NPAS2: variants seen among roughly 807,000 people sequenced by gnomAD.
NPAS2 encodes the protein neuronal PAS domain-containing protein 2.
In NPAS2, 23 loss-of-function variants were observed where a neutral mutation model predicts 107.5. The ratio of observed to expected loss-of-function variants is 0.21; its 90% CI spans 0.15 to 0.30. The LOEUF (loss-of-function observed/expected upper bound fraction) is 0.30, where lower values mean the gene tolerates loss of function less well. Ranked by LOEUF, NPAS2 falls within the 10% of genes least tolerant of loss-of-function variation. The pLI is 1.00. For missense variants in NPAS2, 756 were observed against 1,043.3 expected (o/e 0.72, Z 3.79); for synonymous variants, 403 against 417.5 (o/e 0.97, Z 0.42).
intron 7 of NPAS2, among the ~76,000 whole-genome samples, chr2:100,961,096 A>G (rs1046822276): frequency 2.6e-5 from 4 of 152,184 alleles, no homozygotes; most frequent in Non-Finnish European, 4.4e-5. Flanking sequence ...TAATCCTGAG[A>G]GTCTCAGGAA....
intron 11 of NPAS2, 128 bp from the exon 12 acceptor site, chr2:100,970,862 C>G: frequency 1.4e-6 from 1 of 698,660 alleles, no homozygotes; most frequent in Non-Finnish European, 2.4e-6. Context: ...CTAGGCTCCT[C>G]TGTGTTGACT....
At chr2:100,975,848 A>C in intron 14 of NPAS2, 1 of 342,224 alleles carries the variant, frequency 2.9e-6, no homozygotes, top group Non-Finnish European at 5.3e-6. Flanking sequence ...ATACCCTCAT[A>C]CCCCCAGAGC....
At chr2:100,931,481 CTCT>C (rs1223789619) in intron 3 of NPAS2, among the ~76,000 whole-genome samples, 5 of 131,986 alleles carry the variant, frequency 3.8e-5, no homozygotes, top group African/African-American at 1.4e-4. Context: ...CATAACTCAG[CTCT>C]TTTTTTTTTT....
chr2:100,995,184 G>A, intron 20 of NPAS2: 1 of 477,900 alleles, frequency 2.1e-6, no homozygotes, highest in South Asian at 5.3e-5. Context: ...ACTATTGGCG[G>A]AGAACTTAGC....
Position 100,845,332 on chromosome 2 carries a change from T to C in NPAS2, c.-23+24918T>C, listed in dbSNP as rs1034578555. On this transcript the variant is annotated intron_variant, in intron 1 of 20. Transcript: ENST00000335681. ...TCTGACGTGGAGCAGGCTGGCTCCA[T>C]GCTGATTATTGTAGATGAGGGGCTG... is the stretch of plus-strand genomic sequence containing the variant. 2.0e-4 allele frequency among the ~76,000 whole-genome samples: 31 copies of C among 152,204 alleles called. 1 individual carries two copies. The highest frequency in any genetic ancestry group is 2.0e-3 in the Admixed American group (30 of 15,274).
At chr2:100,910,736 C>T (rs551152257) in intron 2 of NPAS2, among the ~76,000 whole-genome samples, 1 of 152,094 alleles carries the variant, frequency 6.6e-6, no homozygotes, top group Non-Finnish European at 1.5e-5. Context: ...CCATGTTGGC[C>T]AGGCTGGTCT....
intron 2 of NPAS2, among the ~76,000 whole-genome samples, chr2:100,912,655 T>C (rs1682631806): frequency 6.6e-6 from 1 of 152,220 alleles, no homozygotes; most frequent in Non-Finnish European, 1.5e-5. Context: ...TCAACCAGCA[T>C]GTCCACTGGA....
rs148757121 is a variant in NPAS2 at position 100,958,989 on chromosome 2, C to T, written c.599-5069C>T. Among the ~76,000 whole-genome samples the T allele has an allele frequency of 1.5e-3, 224 of 149,084 alleles. 5 individuals carry two copies. In the East Asian group the frequency reaches 0.035, roughly 23 times the overall value. On this transcript the variant is annotated intron_variant, in intron 7 of 20. Transcript: ENST00000335681. ...GCAAATTGCAAAGCCAGGCCAGGCA[C>T]GGTGGCTGACACCTGTAATCCCCGC...
At chr2:100,897,727 A>G (rs1681502571) in intron 1 of NPAS2, among the ~76,000 whole-genome samples, 1 of 152,122 alleles carries the variant, frequency 6.6e-6, no homozygotes, top group African/African-American at 2.4e-5. Flanking sequence ...TGCAGTGATA[A>G]CCAAAGAACA....
At chr2:100,958,088 A>C (rs1354193034) in intron 7 of NPAS2, among the ~76,000 whole-genome samples, 2 of 152,202 alleles carry the variant, frequency 1.3e-5, no homozygotes, top group African/African-American at 4.8e-5. Flanking sequence ...GCAGTATTTC[A>C]AAAGTTGCTG....
At chr2:100,854,158 C>CAAAAAAAAA (rs70943046) in intron 1 of NPAS2, among the ~76,000 whole-genome samples, 2 of 59,596 alleles carry the variant, frequency 3.4e-5, no homozygotes, top group Non-Finnish European at 6.0e-5. Flanking sequence ...CCTGCCTCAA[C>CAAAAAAAAA]AAAAAAAAAA....
At chr2:100,833,048 A>G (rs1473121131) in intron 1 of NPAS2, among the ~76,000 whole-genome samples, 1 of 152,158 alleles carries the variant, frequency 6.6e-6, no homozygotes, top group Non-Finnish European at 1.5e-5. Context: ...TGTTTATATG[A>G]GACACCTATA....
rs561437491 is a variant in NPAS2, at chr2:100,882,035, C to T, written c.-22-22698C>T. Among the ~76,000 whole-genome samples the T allele has an allele frequency of 7.2e-5, 11 of 152,352 alleles. No homozygotes were observed. The East Asian group carries it at 2.1e-3, about 29-fold the overall frequency. On this transcript the variant is annotated intron_variant, in intron 1 of 20. Transcript: ENST00000335681. ...CCGTGCCTCAGCTTGGAGCCTGATG[C>T]CATGGGAATCCTCAATGCATGGCTC...
chr2:100,979,480 C>CTATATATATATATATATATATATA (rs201705535), intron 15 of NPAS2, among the ~76,000 whole-genome samples: 1 of 64,806 alleles, frequency 1.5e-5, no homozygotes, highest in African/African-American at 7.9e-5. Flanking sequence ...TTAATAATAA[C>CTATATATATATATATATATATATA]TATATATATA....
At chr2:100,951,976 C>T (rs747829920) in intron 7 of NPAS2, among the ~76,000 whole-genome samples, 2 of 151,838 alleles carry the variant, frequency 1.3e-5, no homozygotes, top group Non-Finnish European at 2.9e-5. Flanking sequence ...GGTGAAACCC[C>T]ATCTCTACTA....
intron 2 of NPAS2, among the ~76,000 whole-genome samples, chr2:100,914,296 C>T (rs1682735210): frequency 6.6e-6 from 1 of 152,172 alleles, no homozygotes; most frequent in South Asian, 2.1e-4. Flanking sequence ...TATGGGGCTA[C>T]TGTGCTAGGA....
chr2:100,951,833 T>C (rs1675239721), intron 7 of NPAS2, among the ~76,000 whole-genome samples: 2 of 152,026 alleles, frequency 1.3e-5, no homozygotes, highest in African/African-American at 2.4e-5. Context: ...GCAAACTTTG[T>C]TATATGTGTT....
At chr2:100,891,309 G>A (rs976237349) in intron 1 of NPAS2, among the ~76,000 whole-genome samples, 1 of 152,040 alleles carries the variant, frequency 6.6e-6, no homozygotes, top group Admixed American at 6.6e-5. Flanking sequence ...CCAACAAGGT[G>A]TGCAGCATTG....
At chr2:100,986,871 T>A (rs576937172) in intron 16 of NPAS2, 1 of 152,244 alleles carries the variant, frequency 6.6e-6, no homozygotes. Flanking sequence ...GCATTTTATG[T>A]ACCTAACAAG....
Sources: allele counts gnomAD v4.1 joint callset (sites outside exome capture counted in the v4.1 genomes callset), GRCh38; gene constraint gnomAD v4.1.1; transcripts MANE v1.5; gene names NCBI Gene and HGNC (gene_info 2026-07-23, HGNC 2026-07-21).